FIG4: variants seen among roughly 807,000 people sequenced by gnomAD.
FIG4 encodes the protein polyphosphoinositide phosphatase.
A neutral mutation model predicts 118.6 loss-of-function variants in FIG4; 112 were observed. The ratio of observed to expected loss-of-function variants is 0.94; its 90% confidence interval spans 0.81 to 1.11. The LOEUF is 1.11. Ranked by LOEUF, FIG4 falls within the 50% of genes least tolerant of loss-of-function variation. FIG4 has a pLI of 0.00. For synonymous variants in FIG4, 369 were observed against 381.2 expected (o/e 0.97, Z 0.37); for missense variants, 969 against 1,111.7 (o/e 0.87, Z 1.83).
chr6:109,711,204 C>G (rs562976383), intron 1 of FIG4, among the ~76,000 whole-genome samples: 2 of 152,162 alleles, frequency 1.3e-5, no homozygotes, highest in Non-Finnish European at 1.5e-5. Flanking sequence ...TCGATACCAT[C>G]TTGGCTAACA....
In FIG4 at chr6:109,735,311, G is replaced by A; in HGVS notation, c.646+13G>A. On this transcript the variant is annotated intron_variant, in intron 6 of 22. Coordinates refer to ENST00000230124, the MANE Select transcript of FIG4 (RefSeq NM_014845.6). Reference sequence around the variant, plus strand: ...CAAGGTGGAAGCGGTAGGTGGTCTTGATATATCTAATGTATATTAATGTGG... The same window carrying A: ...CAAGGTGGAAGCGGTAGGTGGTCTTAATATATCTAATGTATATTAATGTGG... 3 of 1,604,814 alleles carry A rather than the reference G, an allele frequency of 1.9e-6. No homozygotes were observed. The highest frequency in any genetic ancestry group is 2.6e-6 in the Non-Finnish European group (3 of 1,171,860).
At chr6:109,734,167 A>G (rs1016288482) in intron 5 of FIG4, among the ~76,000 whole-genome samples, 1 of 151,932 alleles carries the variant, frequency 6.6e-6, no homozygotes, top group African/African-American at 2.4e-5. Context: ...AATAATAATT[A>G]AAATAATGTG....
chr6:109,811,094 T>G (rs1778708857), intron 22 of FIG4, among the ~76,000 whole-genome samples: 1 of 152,200 alleles, frequency 6.6e-6, no homozygotes, highest in Non-Finnish European at 1.5e-5. Context: ...TCATGTCACG[T>G]GCAGTGCTGA....
At chr6:109,820,074 A>G (rs914394503) in intron 22 of FIG4, among the ~76,000 whole-genome samples, 2 of 152,162 alleles carry the variant, frequency 1.3e-5, no homozygotes, top group African/African-American at 2.4e-5. Flanking sequence ...TGCCCTACCT[A>G]TGCATCAGGC....
chr6:109,712,620 T>C (rs1775301938), intron 1 of FIG4, among the ~76,000 whole-genome samples: 1 of 152,220 alleles, frequency 6.6e-6, no homozygotes, highest in African/African-American at 2.4e-5. Flanking sequence ...ATGCTGGCTA[T>C]TTTGTCTGTC....
chr6:109,819,268 T>C (rs1336633437), intron 22 of FIG4, among the ~76,000 whole-genome samples: 1 of 152,150 alleles, frequency 6.6e-6, no homozygotes. Flanking sequence ...AGTGACCTCA[T>C]CCCACTAGGC....
intron 22 of FIG4, among the ~76,000 whole-genome samples, chr6:109,805,073 A>C (rs745619226): frequency 1.3e-5 from 2 of 152,204 alleles, no homozygotes; most frequent in Non-Finnish European, 2.9e-5. Context: ...TTACTTTACT[A>C]TGGTTTATTT....
At chr6:109,738,989 G>A (rs1483191231) in intron 7 of FIG4, among the ~76,000 whole-genome samples, 2 of 152,176 alleles carry the variant, frequency 1.3e-5, no homozygotes, top group Non-Finnish European at 2.9e-5. Context: ...TCACCAGATT[G>A]CCTTGGTGGT....
At chr6:109,824,820 G>T (rs1469332041) in intron 22 of FIG4, among the ~76,000 whole-genome samples, 1 of 152,124 alleles carries the variant, frequency 6.6e-6, no homozygotes, top group Non-Finnish European at 1.5e-5. Context: ...GTGCAGACGT[G>T]GGTGTACACA....
At chr6:109,707,934 G>A (rs1172900604) in intron 1 of FIG4, among the ~76,000 whole-genome samples, 1 of 150,958 alleles carries the variant, frequency 6.6e-6, no homozygotes, top group Non-Finnish European at 1.5e-5. Flanking sequence ...TTTCTTAAAA[G>A]CATTTTCATT....
At chr6:109,805,042 A>T (rs924474663) in intron 22 of FIG4, among the ~76,000 whole-genome samples, 2 of 152,234 alleles carry the variant, frequency 1.3e-5, no homozygotes, top group Non-Finnish European at 2.9e-5. Context: ...GACAAGGCAG[A>T]TGATAAATAT....
chr6:109,797,747 T>C (rs554172630), intron 22 of FIG4, among the ~76,000 whole-genome samples: 32 of 152,046 alleles, frequency 2.1e-4, no homozygotes, highest in Non-Finnish European at 3.7e-4. Flanking sequence ...AATACAAAAA[T>C]TAGCCGGGCA....
chr6:109,739,677 G>T (rs776244794), intron 7 of FIG4, among the ~76,000 whole-genome samples: 2 of 152,050 alleles, frequency 1.3e-5, no homozygotes, highest in South Asian at 4.1e-4. Context: ...GCACTGTGAG[G>T]CCCCACTCAG....
rs1778133919 is a variant in FIG4, at chr6:109,791,454, T to C, written c.2259T>C (p.Ala753=). The C allele has an allele frequency of 6.2e-7, 1 of 1,613,840 alleles. No individual in the cohort carries two copies. The highest frequency in any genetic ancestry group is 8.5e-7 in the Non-Finnish European group (1 of 1,180,034). ...ASAPPPPSEE[A]VSSSSEDDSG... ...CCCCGCCGCCCCCCAGCGAGGAGGC[T>C]GTGTCCAGCAGCTCTGAGGATGACT... The change falls in exon 20 of 23, where the codon GCT becomes GCC. Residue 753 remains alanine, a synonymous_variant. Coordinates refer to ENST00000230124, the MANE Select transcript of FIG4 (RefSeq NM_014845.6).
intron 1 of FIG4, among the ~76,000 whole-genome samples, chr6:109,706,782 T>C (rs1775080228): frequency 1.3e-5 from 2 of 152,196 alleles, no homozygotes; most frequent in Non-Finnish European, 2.9e-5. Flanking sequence ...CTTCTTCCCT[T>C]TTCAGTTCTT....
At chr6:109,797,187 G>C (rs528091698) in intron 22 of FIG4, among the ~76,000 whole-genome samples, 2 of 152,280 alleles carry the variant, frequency 1.3e-5, no homozygotes, top group East Asian at 3.9e-4. Flanking sequence ...GACCTTTGAG[G>C]ATATGGATCG....
intron 1 of FIG4, 53 bp downstream of exon 1, chr6:109,691,554 G>A (rs891371495): frequency 2.8e-6 from 4 of 1,451,990 alleles, no homozygotes; most frequent in African/African-American, 1.4e-5. Flanking sequence ...GTCTGCCGGT[G>A]GGTGTGGGGC....
intron 22 of FIG4, among the ~76,000 whole-genome samples, chr6:109,805,952 A>G (rs1198420285): frequency 6.6e-6 from 1 of 152,170 alleles, no homozygotes; most frequent in African/African-American, 2.4e-5. Flanking sequence ...AATCGTTCTG[A>G]TAATCTCAGA....
chr6:109,823,598 A>G (rs1322579950), intron 22 of FIG4, among the ~76,000 whole-genome samples: 1 of 152,144 alleles, frequency 6.6e-6, no homozygotes, highest in Admixed American at 6.6e-5. Flanking sequence ...CTTCCTTTGT[A>G]TGTCACCGTA....
Sources: gnomAD v4.1 joint callset for allele counts (sites outside exome capture counted in the v4.1 genomes callset) on GRCh38, gnomAD v4.1.1 for gene constraint, MANE v1.5 for transcripts, NCBI Gene and HGNC (gene_info 2026-07-23, HGNC 2026-07-21) for gene names.